Variants in NFIB observed in about 807,000 individuals in gnomAD.
NFIB encodes the protein nuclear factor I B.
In NFIB, 11 loss-of-function variants were observed where a neutral mutation model predicts 61.5. The observed-to-expected ratio is 0.18, with a 90% CI of 0.11 to 0.30. The LOEUF (loss-of-function observed/expected upper bound fraction) is 0.30, where lower values mean the gene tolerates loss of function less well. Among genes scored for constraint, NFIB ranks in the 10% least tolerant of loss-of-function variants. The pLI is 1.00. For synonymous variants in NFIB, 260 were observed against 216.5 expected, an observed-to-expected ratio of 1.20 and a Z score of -1.76; for missense variants, 471 against 608.9, an observed-to-expected ratio of 0.77 and a Z score of 2.38.
the NFIB span, among the ~76,000 whole-genome samples, chr9:14,447,401 T>C: frequency 9.2e-5 from 14 of 152,166 alleles, no homozygotes; most frequent in African/African-American, 3.4e-4. Context: ...ATGTGTTCTT[T>C]AGAGAGGATC....
chr9:14,254,109 C>G (rs1266359458), intron 2 of NFIB, among the ~76,000 whole-genome samples: 1 of 152,110 alleles, frequency 6.6e-6, no homozygotes, highest in African/African-American at 2.4e-5. Flanking sequence ...TGAGACTAGC[C>G]TGGCCAACAT....
At chr9:14,314,185 C>A, upstream of NFIB, 9 of 9,650 alleles carry the variant, frequency 9.3e-4, no homozygotes, top group Non-Finnish European at 1.9e-3. Context: ...GGGGTGGGGG[C>A]GGGGTGGGAT....
intron 1 of NFIB, among the ~76,000 whole-genome samples, chr9:14,386,126 T>C (rs2061546771): frequency 6.6e-6 from 1 of 152,168 alleles, no homozygotes; most frequent in Non-Finnish European, 1.5e-5. Context: ...TTAGATGAAA[T>C]CTAGTCATTC....
At chr9:14,322,289 C>G (rs2060679770) in intron 1 of NFIB, 1 of 354,466 alleles carries the variant, frequency 2.8e-6, no homozygotes. Context: ...TGAACGCCGT[C>G]CAGGATGGTG....
At chr9:14,143,632 G>C (rs1263695716) in intron 6 of NFIB, among the ~76,000 whole-genome samples, 2 of 152,098 alleles carry the variant, frequency 1.3e-5, no homozygotes, top group Non-Finnish European at 2.9e-5. Context: ...CCAATAAATA[G>C]TTATTGAGTA....
At chr9:14,529,637 T>C in the NFIB span, among the ~76,000 whole-genome samples, 1 of 152,162 alleles carries the variant, frequency 6.6e-6, no homozygotes, top group Non-Finnish European at 1.5e-5. Flanking sequence ...ATTAATTAGG[T>C]TTTCCACAAA....
the NFIB span, among the ~76,000 whole-genome samples, chr9:14,418,509 G>C: frequency 6.6e-6 from 1 of 152,172 alleles, no homozygotes; most frequent in Non-Finnish European, 1.5e-5. Context: ...AGGGTGAAAA[G>C]AGTAGGGGTA....
intron 6 of NFIB, among the ~76,000 whole-genome samples, chr9:14,126,746 A>C (rs1186213175): frequency 6.6e-6 from 1 of 152,222 alleles, no homozygotes. Context: ...ACATGATCAC[A>C]ATGACAGTTT....
rs73645026 is a variant in NFIB, at chr9:14,253,775, G to A, written c.562+53214C>T. 2.8e-3 allele frequency among the ~76,000 whole-genome samples: 429 copies of A among 152,188 alleles called. 3 individuals are homozygous for A. Among genetic ancestry groups the A allele is most frequent in the African/African-American group, 9.8e-3 (409 of 41,532 alleles). On this transcript the variant is annotated intron_variant, in intron 2 of 10. Coordinates refer to ENST00000380953, the MANE Select transcript of NFIB (RefSeq NM_001190737.2). The stretch of plus-strand genomic sequence containing the variant: ...GGGTGCTGCCTCTAGGTATCTTTGC[G>A]GAATTGTTACAGTAAGTAAAACTCT...
chr9:14,429,804 G>T, the NFIB span, among the ~76,000 whole-genome samples: 1 of 152,190 alleles, frequency 6.6e-6, no homozygotes, highest in East Asian at 1.9e-4. Context: ...AGTACTCCCT[G>T]AAAGTGAATT....
At chr9:14,339,408 A>C (rs1359958825) in intron 1 of NFIB, among the ~76,000 whole-genome samples, 10 of 152,186 alleles carry the variant, frequency 6.6e-5, no homozygotes, top group African/African-American at 2.4e-4. Flanking sequence ...TTGATAAAAG[A>C]ATGGCTGATT....
At chr9:14,483,668 G>C in the NFIB span, among the ~76,000 whole-genome samples, 4 of 152,280 alleles carry the variant, frequency 2.6e-5, no homozygotes, top group Admixed American at 2.6e-4. Flanking sequence ...GCACATGGAA[G>C]TTACCCAGTG....
In NFIB at chr9:14,168,240, T is replaced by C. The variant is rs186308863; in HGVS notation, c.616+11487A>G. On this transcript the variant is annotated intron_variant, in intron 3 of 10. Transcript: ENST00000380953. ...GCCTCTGCTTCATAAATCTTGGACA[T>C]TGTCTGTAGGTAGGCATTGCCTTGG... 3.9e-3 allele frequency among the ~76,000 whole-genome samples: 589 copies of C among 152,280 alleles called. 7 individuals carry two copies. The highest frequency in any genetic ancestry group is 4.0e-3 in the Non-Finnish European group (270 of 68,012).
At chr9:14,356,842 G>A (rs1375303749) in intron 1 of NFIB, among the ~76,000 whole-genome samples, 2 of 152,184 alleles carry the variant, frequency 1.3e-5, no homozygotes, top group African/African-American at 4.8e-5. Flanking sequence ...CTTGCTGAAA[G>A]GAATGTCAGT....
the NFIB span, among the ~76,000 whole-genome samples, chr9:14,463,659 C>CTCCTTTTTT: frequency 4.4e-4 from 29 of 65,804 alleles, 1 homozygote; most frequent in African/African-American, 6.6e-4. Context: ...ATTTGATTTT[C>CTCCTTTTTT]TTTTTTTTTT....
intron 2 of NFIB, among the ~76,000 whole-genome samples, chr9:14,203,984 TACAGA>T (rs1479774668): frequency 3.9e-5 from 6 of 152,110 alleles, no homozygotes; most frequent in Non-Finnish European, 7.4e-5. Flanking sequence ...TAAAACATAC[TACAGA>T]GAAGCATAAG....
chr9:14,162,395 T>G lies in NFIB; in HGVS notation c.617-6502A>C, dbSNP rs200762320. 3.9e-5 allele frequency among the ~76,000 whole-genome samples: 6 copies of G among 152,224 alleles called. No homozygotes were observed. In the East Asian group the frequency reaches 1.2e-3, roughly 29 times the overall value. On this transcript the variant is annotated intron_variant, in intron 3 of 10. Coordinates refer to ENST00000380953, the MANE Select transcript of NFIB (RefSeq NM_001190737.2). ...ATTCTCCGGTTTTTTTCTAACAGCA[T>G]TTATTGGTGTTATATATTACTGAAT...
At chr9:14,298,426 A>T (rs540169473) in intron 2 of NFIB, among the ~76,000 whole-genome samples, 3 of 152,306 alleles carry the variant, frequency 2.0e-5, no homozygotes, top group African/African-American at 7.2e-5. Flanking sequence ...TCAACCTCAG[A>T]CGAGTGTGGA....
intron 4 of NFIB, among the ~76,000 whole-genome samples, chr9:14,150,687 C>T (rs1315318568): frequency 1.3e-5 from 2 of 152,004 alleles, no homozygotes; most frequent in East Asian, 3.9e-4. Flanking sequence ...AATAAATAAA[C>T]AGAGAACCGT....
Sources: gnomAD v4.1 joint callset for allele counts (sites outside exome capture counted in the v4.1 genomes callset) on GRCh38, gnomAD v4.1.1 for gene constraint, MANE v1.5 for transcripts, NCBI Gene and HGNC (gene_info 2026-07-23, HGNC 2026-07-21) for gene names.